The following MITF variants were observed in gnomAD, a reference collection of about 807,000 sequenced individuals.
MITF encodes the protein melanocyte inducing transcription factor.
MITF carries 17 observed loss-of-function variants against 60.5 expected under a neutral mutation model. The ratio of observed to expected loss-of-function variants is 0.28; its 90% CI spans 0.19 to 0.42. The LOEUF is 0.42. Ranked by LOEUF, MITF falls within the 10% of genes least tolerant of loss-of-function variation. The probability of loss-of-function intolerance (pLI) is 1.00; values close to 1 mark genes in which losing one functional copy is unlikely to be tolerated. For missense variants in MITF, 622 were observed against 683.5 expected, an observed-to-expected ratio of 0.91 and a Z score of 1.00; for synonymous variants, 260 against 248.5, an observed-to-expected ratio of 1.05 and a Z score of -0.43.
intron 1 of MITF, among the ~76,000 whole-genome samples, chr3:69,871,907 A>C (rs551236080): frequency 7.9e-5 from 12 of 152,280 alleles, no homozygotes; most frequent in African/African-American, 2.9e-4. Flanking sequence ...CTCTCAGTGG[A>C]GCATCTTGCC....
chr3:69,891,348 A>G (rs2064755431), intron 2 of MITF, among the ~76,000 whole-genome samples: 1 of 152,222 alleles, frequency 6.6e-6, no homozygotes, highest in Non-Finnish European at 1.5e-5. Context: ...ATCTCTGTTC[A>G]TCAGTTTGAC....
Position 69,939,127 on chromosome 3 carries a change from G to A in MITF, c.612G>A (p.Arg204=), listed in dbSNP as rs767416608. The change falls in exon 4 of 10, where the codon AGG becomes AGA. Residue 204 remains arginine, a synonymous_variant. Transcript: ENST00000352241. ...TTTATAAGTTTGAAGAGCAAAACAGGGCAGAGAGCGAGTGCCCAGGCATGA... is the reference window on the plus strand; with the variant it reads ...TTTATAAGTTTGAAGAGCAAAACAGAGCAGAGAGCGAGTGCCCAGGCATGA... ...EGFYKFEEQN[R]AESECPGMNT... The A allele has an allele frequency of 3.1e-6, 5 of 1,613,930 alleles. No homozygotes were observed. In the African/African-American group the frequency reaches 5.3e-5, roughly 17 times the overall value.
chr3:69,785,451 A>G (rs1034046955), intron 1 of MITF, among the ~76,000 whole-genome samples: 2 of 152,212 alleles, frequency 1.3e-5, no homozygotes, highest in Non-Finnish European at 2.9e-5. Context: ...TGCAGGTCAC[A>G]TGACCAGTAA....
At chr3:69,862,744 C>T (rs1278647411) in intron 1 of MITF, among the ~76,000 whole-genome samples, 2 of 152,102 alleles carry the variant, frequency 1.3e-5, no homozygotes, top group Non-Finnish European at 2.9e-5. Flanking sequence ...TACTTTAAAT[C>T]CCATTTTAGT....
intron 1 of MITF, among the ~76,000 whole-genome samples, chr3:69,790,607 G>A (rs1474258732): frequency 2.6e-5 from 4 of 152,134 alleles, no homozygotes; most frequent in African/African-American, 9.7e-5. Context: ...AAGGCCACAG[G>A]CTGAATGTGG....
At chr3:69,766,862 G>A (rs1350743111) in intron 1 of MITF, among the ~76,000 whole-genome samples, 9 of 152,130 alleles carry the variant, frequency 5.9e-5, no homozygotes, top group East Asian at 1.9e-4. Context: ...ATGACTCACC[G>A]TAGATACAAG....
chr3:69,749,932 T>A (rs1251724027), intron 1 of MITF, among the ~76,000 whole-genome samples: 1 of 152,202 alleles, frequency 6.6e-6, no homozygotes, highest in Non-Finnish European at 1.5e-5. Flanking sequence ...GGAAGGTAAT[T>A]CTAACAATAC....
At chr3:69,833,307 CCT>C (rs543432433) in intron 1 of MITF, among the ~76,000 whole-genome samples, 54 of 148,628 alleles carry the variant, frequency 3.6e-4, no homozygotes, top group African/African-American at 1.3e-3. Flanking sequence ...TGGTTGTTTC[CCT>C]GTTTACACTG....
At chr3:69,932,562 T>C (rs1180706101) in intron 2 of MITF, among the ~76,000 whole-genome samples, 1 of 152,204 alleles carries the variant, frequency 6.6e-6, no homozygotes, top group East Asian at 1.9e-4. Flanking sequence ...TTGCTTTGTA[T>C]TTGCATCTGA....
chr3:69,807,672 A>G (rs1340503936), intron 1 of MITF, among the ~76,000 whole-genome samples: 1 of 152,246 alleles, frequency 6.6e-6, no homozygotes, highest in East Asian at 1.9e-4. Flanking sequence ...TCTATGGTGG[A>G]TAAGCCACTT....
chr3:69,819,186 A>T (rs1048060514), intron 1 of MITF, among the ~76,000 whole-genome samples: 1 of 152,198 alleles, frequency 6.6e-6, no homozygotes, highest in Admixed American at 6.5e-5. Flanking sequence ...GGGCACAGTG[A>T]TTCCTCCAGT....
chr3:69,782,129 C>A (rs1467724115), intron 1 of MITF, among the ~76,000 whole-genome samples: 1 of 152,222 alleles, frequency 6.6e-6, no homozygotes, highest in Non-Finnish European at 1.5e-5. Flanking sequence ...GTGCAGTGCA[C>A]AGCCTGAGTG....
intron 1 of MITF, among the ~76,000 whole-genome samples, chr3:69,774,054 A>G (rs954363939): frequency 6.6e-6 from 1 of 152,204 alleles, no homozygotes; most frequent in African/African-American, 2.4e-5. Context: ...GGCAGAAAAG[A>G]GGGCCAGAAG....
chr3:69,820,664 A>G (rs956758566), intron 1 of MITF, among the ~76,000 whole-genome samples: 4 of 152,126 alleles, frequency 2.6e-5, no homozygotes, highest in African/African-American at 9.7e-5. Context: ...GGAGAAAATT[A>G]ATTTGGTTGG....
rs541974511 is a variant in MITF, at chr3:69,868,048, G to C, written c.105-11086G>C. 4.6e-5 allele frequency among the ~76,000 whole-genome samples: 7 copies of C among 152,298 alleles called. No homozygotes were observed. The East Asian group carries it at 1.2e-3, about 25-fold the overall frequency. ...CATGATAGCAGAAGGCAGCATTCTAGAATTTTGGCTCCCTAGAAAGTAACT... is the reference window on the plus strand; with the variant it reads ...CATGATAGCAGAAGGCAGCATTCTACAATTTTGGCTCCCTAGAAAGTAACT... On this transcript the variant is annotated intron_variant, in intron 1 of 9. Coordinates refer to ENST00000352241, the MANE Select transcript of MITF (RefSeq NM_001354604.2).
chr3:69,916,041 G>C (rs377183554), intron 2 of MITF, among the ~76,000 whole-genome samples: 14 of 152,294 alleles, frequency 9.2e-5, no homozygotes, highest in African/African-American at 2.6e-4. Context: ...TAGAAAGTTT[G>C]AAAGGCAGAA....
At chr3:69,744,966 A>G (rs1703667214) in intron 1 of MITF, among the ~76,000 whole-genome samples, 1 of 152,184 alleles carries the variant, frequency 6.6e-6, no homozygotes, top group African/African-American at 2.4e-5. Flanking sequence ...TTTATTGAGT[A>G]TGTACTATGT....
chr3:69,945,224 T>C (rs2107501056), intron 5 of MITF, among the ~76,000 whole-genome samples: 1 of 152,312 alleles, frequency 6.6e-6, no homozygotes, highest in South Asian at 2.1e-4. Flanking sequence ...AATATTCATT[T>C]TGGTGGAGCA....
At position 69,766,376 on chromosome 3, in the gene MITF, AT is replaced by A. The variant is rs753953309; in HGVS notation, c.104+26705del. 6.2e-3 allele frequency among the ~76,000 whole-genome samples: 590 copies of A among 95,086 alleles called. 2 individuals carry two copies. The highest frequency in any genetic ancestry group is 0.011 in the African/African-American group (241 of 22,032). 62.4% of individuals were successfully genotyped at this position (95,086 alleles called of 152,430 possible). ...AGGTGTGCACCACCATGCCCAGCTA[AT>A]TTTTTTTTTTTTTTTTTTTTTTTTT... On this transcript the variant is annotated intron_variant, in intron 1 of 9. Transcript: ENST00000352241.
Sources: gnomAD v4.1 joint callset for allele counts (sites outside exome capture counted in the v4.1 genomes callset) on GRCh38, gnomAD v4.1.1 for gene constraint, MANE v1.5 for transcripts, NCBI Gene and HGNC (gene_info 2026-07-23, HGNC 2026-07-21) for gene names.